PLSCR1: variants seen among roughly 807,000 people sequenced by gnomAD.
PLSCR1 encodes the protein PL scramblase 1.
A neutral mutation model predicts 37.8 loss-of-function variants in PLSCR1; 17 were observed. That is an observed-to-expected ratio of 0.45 (90% CI 0.31 to 0.68). The LOEUF (loss-of-function observed/expected upper bound fraction) is 0.68, where lower values mean the gene tolerates loss of function less well. Among genes scored for constraint, PLSCR1 ranks in the 30% least tolerant of loss-of-function variants. The pLI is 0.06. For synonymous variants in PLSCR1, 116 were observed against 125.9 expected, an observed-to-expected ratio of 0.92 and a Z score of 0.53; for missense variants, 347 against 380.9, an observed-to-expected ratio of 0.91 and a Z score of 0.74.
At chr3:146,520,785 G>A (rs2044008261) in intron 7 of PLSCR1, among the ~76,000 whole-genome samples, 1 of 152,092 alleles carries the variant, frequency 6.6e-6, no homozygotes, top group Admixed American at 6.6e-5. Flanking sequence ...ATCTTTAGTA[G>A]ATTTTTACCC....
chr3:146,526,438 G>C (rs542824144), intron 4 of PLSCR1, among the ~76,000 whole-genome samples: 12 of 152,204 alleles, frequency 7.9e-5, no homozygotes, highest in African/African-American at 2.9e-4. Context: ...ATGGAGAACA[G>C]TGTAGCGGTT....
In PLSCR1 at chr3:146,528,284, T is replaced by A; in HGVS notation, c.312+330A>T. 5 of 286,632 alleles carry A rather than the reference T, an allele frequency of 1.7e-5. No individual in the cohort carries two copies. In the South Asian group the frequency reaches 1.9e-4, roughly 11 times the overall value. The allele number at this position is 286,632 out of a possible 1,614,324, so 17.8% of individuals were successfully genotyped here. ...CCTCAGTTTCTTCTTTTGAAAAATG[T>A]AGCACCTATACATCACAGACTTTCA... On this transcript the variant is annotated intron_variant, in intron 4 of 8. Coordinates refer to ENST00000342435, the MANE Select transcript of PLSCR1 (RefSeq NM_021105.3).
At chr3:146,528,574 A>G in intron 4 of PLSCR1, 40 bp downstream of exon 4, 13 of 1,488,596 alleles carry the variant, frequency 8.7e-6, no homozygotes, top group Non-Finnish European at 1.1e-5. Context: ...CTGGAAGCAC[A>G]GTTCTGTTTT....
chr3:146,540,586 TG>T (rs2044326254), intron 1 of PLSCR1, among the ~76,000 whole-genome samples: 1 of 152,204 alleles, frequency 6.6e-6, no homozygotes, highest in Non-Finnish European at 1.5e-5. Flanking sequence ...AACTAAAATT[TG>T]TTTACCCACA....
At chr3:146,540,172 A>G (rs1255651733) in intron 1 of PLSCR1, among the ~76,000 whole-genome samples, 1 of 152,226 alleles carries the variant, frequency 6.6e-6, no homozygotes, top group Non-Finnish European at 1.5e-5. Flanking sequence ...AATGTAATAA[A>G]GTTATGTTGT....
At position 146,517,175 on chromosome 3, in the gene PLSCR1, G is replaced by GAA; in HGVS notation, c.739-10_739-9dup. The GAA allele has an allele frequency of 1.7e-5, 23 of 1,352,402 alleles. No homozygotes were observed. Among genetic ancestry groups the GAA allele is most frequent in the East Asian group, 5.4e-5 (2 of 36,700 alleles). 83.8% of individuals were successfully genotyped at this position (1,352,402 alleles called of 1,614,324 possible). Reference sequence around the variant, plus strand: ...TTCATCAAGAGATTTAATCTAAATTGAAAAAAAAAAGTATTAAATACTTTT... The same window carrying GAA: ...TTCATCAAGAGATTTAATCTAAATTGAAAAAAAAAAAAGTATTAAATACTTTT... On this transcript the variant is annotated splice_polypyrimidine_tract_variant and intron_variant, in intron 7 of 8. Coordinates refer to ENST00000342435, the MANE Select transcript of PLSCR1 (RefSeq NM_021105.3).
At chr3:146,516,239 C>T (rs1013823364) in intron 8 of PLSCR1, 138 bp from the exon 9 acceptor site, 2 of 522,646 alleles carry the variant, frequency 3.8e-6, no homozygotes, top group Non-Finnish European at 6.7e-6. Flanking sequence ...AGTAAATATA[C>T]AAAAGCTCTA....
intron 8 of PLSCR1, chr3:146,516,304 C>A: frequency 2.4e-6 from 1 of 416,140 alleles, no homozygotes. Flanking sequence ...TTCTATAATT[C>A]TATTCATTTA....
chr3:146,517,512 G>A (rs1161242349), intron 7 of PLSCR1: 1 of 153,964 alleles, frequency 6.5e-6, no homozygotes, highest in African/African-American at 2.4e-5. Context: ...AAGCCATCAG[G>A]AAGTTAATGA....
intron 3 of PLSCR1, among the ~76,000 whole-genome samples, chr3:146,531,957 G>T (rs1050438984): frequency 1.3e-5 from 2 of 152,102 alleles, no homozygotes; most frequent in African/African-American, 2.4e-5. Context: ...ATAACTGACA[G>T]TATTTACCTC....
intron 2 of PLSCR1, among the ~76,000 whole-genome samples, chr3:146,534,976 T>G (rs963138725): frequency 1.3e-5 from 2 of 152,142 alleles, no homozygotes; most frequent in Non-Finnish European, 2.9e-5. Flanking sequence ...GATTTGTGAA[T>G]CATCACAAAT....
chr3:146,535,717 T>C (rs967217681), intron 2 of PLSCR1, among the ~76,000 whole-genome samples: 3 of 152,178 alleles, frequency 2.0e-5, no homozygotes, highest in Admixed American at 2.0e-4. Flanking sequence ...AATAAACCAG[T>C]ATAATTCTAT....
At chr3:146,542,946 A>G (rs1428520102) in intron 1 of PLSCR1, among the ~76,000 whole-genome samples, 1 of 152,176 alleles carries the variant, frequency 6.6e-6, no homozygotes, top group African/African-American at 2.4e-5. Flanking sequence ...TCTAAGTGCT[A>G]TAAATAAAAT....
At position 146,521,966 on chromosome 3, in the gene PLSCR1, C is replaced by T. The variant is rs2108626753; in HGVS notation, c.443G>A (p.Cys148Tyr). 1 of 1,612,652 alleles carries T rather than the reference C, an allele frequency of 6.2e-7. No individual in the cohort carries two copies. The highest frequency in any genetic ancestry group is 8.5e-7 in the Non-Finnish European group (1 of 1,178,684). ...TGGCCCACAGCAATTTCGGGTACAGCAATCAGTATCTTCCGCTGCAAAGTA... is the reference window on the plus strand; with the variant it reads ...TGGCCCACAGCAATTTCGGGTACAGTAATCAGTATCTTCCGCTGCAAAGTA... The part of the protein sequence containing the change: ...RVYFAAEDTD[C>Y]CTRNCCGPSR... Residue 148 changes from cysteine to tyrosine, a missense_variant, in exon 6 of 9, where the codon TGC (cysteine) becomes TAC (tyrosine). Cys to Tyr is a radical substitution (Grantham distance 194). Coordinates refer to ENST00000342435, the MANE Select transcript of PLSCR1 (RefSeq NM_021105.3).
intron 1 of PLSCR1, among the ~76,000 whole-genome samples, chr3:146,544,163 G>A (rs891447494): frequency 1.3e-5 from 2 of 152,194 alleles, no homozygotes; most frequent in African/African-American, 2.4e-5. Flanking sequence ...GCGTTTTCAG[G>A]CAGGGCACCC....
intron 3 of PLSCR1, among the ~76,000 whole-genome samples, chr3:146,530,070 C>T (rs959372971): frequency 6.6e-6 from 1 of 152,118 alleles, no homozygotes; most frequent in Non-Finnish European, 1.5e-5. Context: ...ACTTCATATT[C>T]TCTGCGAATG....
chr3:146,541,473 T>C (rs1442165359), intron 1 of PLSCR1, among the ~76,000 whole-genome samples: 1 of 152,180 alleles, frequency 6.6e-6, no homozygotes, highest in African/African-American at 2.4e-5. Context: ...ACTAAACCCA[T>C]AGAAATAAAA....
intron 1 of PLSCR1, among the ~76,000 whole-genome samples, chr3:146,538,314 TAA>T (rs1396014673): frequency 1.3e-5 from 2 of 152,224 alleles, no homozygotes; most frequent in East Asian, 3.8e-4. Flanking sequence ...AATTCATACA[TAA>T]GAGGACATGA....
chr3:146,528,978 AT>A, intron 3 of PLSCR1, 147 bp from the exon 4 acceptor site: 1 of 634,162 alleles, frequency 1.6e-6, no homozygotes, highest in Admixed American at 3.0e-5. Flanking sequence ...TCTTTCTGAG[AT>A]TTTTCAATGA....
Sources: allele counts gnomAD v4.1 joint callset (sites outside exome capture counted in the v4.1 genomes callset), GRCh38; gene constraint gnomAD v4.1.1; transcripts MANE v1.5; gene names NCBI Gene and HGNC (gene_info 2026-07-23, HGNC 2026-07-21).